The following CDH8 variants were observed in gnomAD, a reference collection of about 807,000 sequenced individuals.
CDH8 encodes the protein cadherin-8.
CDH8 carries 17 observed loss-of-function variants against 68.1 expected under a neutral mutation model. The ratio of observed to expected loss-of-function variants is 0.25; its 90% CI spans 0.17 to 0.37. The LOEUF is 0.37. Among genes scored for constraint, CDH8 ranks in the 10% least tolerant of loss-of-function variants. The probability of loss-of-function intolerance (pLI) is 1.00; values close to 1 mark genes in which losing one functional copy is unlikely to be tolerated. For synonymous variants in CDH8, 372 were observed against 365.1 expected, an observed-to-expected ratio of 1.02 and a Z score of -0.21; for missense variants, 763 against 999.3, an observed-to-expected ratio of 0.76 and a Z score of 3.19.
intron 2 of CDH8, among the ~76,000 whole-genome samples, chr16:62,017,392 A>C (rs948303657): frequency 3.9e-5 from 6 of 152,150 alleles, no homozygotes; most frequent in African/African-American, 1.4e-4. Flanking sequence ...TAAGAATATG[A>C]CTTTCAGGCC....
At chr16:61,926,955 A>G (rs1173460287) in intron 2 of CDH8, among the ~76,000 whole-genome samples, 1 of 152,194 alleles carries the variant, frequency 6.6e-6, no homozygotes, top group African/African-American at 2.4e-5. Context: ...AAAACAACAG[A>G]CACATTAGAA....
Position 61,817,655 on chromosome 16 carries a change from A to G in CDH8, c.1101T>C (p.Ser367=), listed in dbSNP as rs1962111656. Residue 367 remains serine (S), a synonymous_variant, in exon 7 of 12, where the codon AGT becomes AGC. Coordinates refer to ENST00000577390, the MANE Select transcript of CDH8 (RefSeq NM_001796.5). ...CCGTGTCTTTAAAGGGCCCCCTGCC[A>G]CTGAAGCGTGGGTCAATATGGACAT... ...AANVHIDPRF[S]GRGPFKDTAT... is the part of the protein sequence containing the mutation. 1 of 1,613,588 alleles carries G rather than the reference A, an allele frequency of 6.2e-7. No individual in the cohort carries two copies. The highest frequency in any genetic ancestry group is 8.5e-7 in the Non-Finnish European group (1 of 1,179,832).
intron 2 of CDH8, among the ~76,000 whole-genome samples, chr16:61,986,359 C>T (rs1001880992): frequency 6.6e-6 from 1 of 152,176 alleles, no homozygotes; most frequent in Non-Finnish European, 1.5e-5. Context: ...GCAATTCCTT[C>T]ACTCCTTTTT....
At chr16:61,920,054 A>G (rs1009416049) in intron 2 of CDH8, among the ~76,000 whole-genome samples, 4 of 150,400 alleles carry the variant, frequency 2.7e-5, no homozygotes, top group African/African-American at 9.8e-5. Context: ...AGCCATATGT[A>G]GAAAGCTGAA....
intron 2 of CDH8, among the ~76,000 whole-genome samples, chr16:61,951,251 C>T (rs1964892558): frequency 6.6e-6 from 1 of 152,000 alleles, no homozygotes; most frequent in Non-Finnish European, 1.5e-5. Context: ...GTGGCTCATG[C>T]CTGTAATCCC....
intron 3 of CDH8, among the ~76,000 whole-genome samples, chr16:61,879,029 T>C (rs1963516749): frequency 6.6e-6 from 1 of 152,170 alleles, no homozygotes; most frequent in Non-Finnish European, 1.5e-5. Flanking sequence ...TTTGCCCCCA[T>C]GTCCTGCCTA....
chr16:61,730,050 A>T (rs1327314019), intron 8 of CDH8, among the ~76,000 whole-genome samples: 1 of 150,934 alleles, frequency 6.6e-6, no homozygotes, highest in Non-Finnish European at 1.5e-5. Context: ...GCATATACAC[A>T]TTTTCTTCCC....
intron 3 of CDH8, among the ~76,000 whole-genome samples, chr16:61,896,556 T>G (rs1014634779): frequency 6.6e-6 from 1 of 152,004 alleles, no homozygotes; most frequent in African/African-American, 2.4e-5. Flanking sequence ...AGAACAGTGG[T>G]AAGAGGAAGA....
intron 2 of CDH8, among the ~76,000 whole-genome samples, chr16:61,962,512 C>T (rs74857442): frequency 0.03 from 4,596 of 152,222 alleles, 81 homozygotes; most frequent in South Asian, 0.049. Flanking sequence ...ACCTGCCCTT[C>T]GAAGAGAGTT....
At chr16:61,724,078 T>C (rs1435933358) in intron 9 of CDH8, among the ~76,000 whole-genome samples, 1 of 150,764 alleles carries the variant, frequency 6.6e-6, no homozygotes, top group Admixed American at 6.6e-5. Flanking sequence ...TAATCAAATG[T>C]GATTCAGGTT....
At chr16:61,960,849 T>C (rs1965141998) in intron 2 of CDH8, among the ~76,000 whole-genome samples, 1 of 152,196 alleles carries the variant, frequency 6.6e-6, no homozygotes, top group Non-Finnish European at 1.5e-5. Flanking sequence ...TCAAGATTGT[T>C]CACCTCATGT....
intron 2 of CDH8, among the ~76,000 whole-genome samples, chr16:61,935,173 C>CA (rs1964609797): frequency 6.6e-6 from 1 of 152,118 alleles, no homozygotes; most frequent in Non-Finnish European, 1.5e-5. Context: ...AAAAGTAGAA[C>CA]AGTTACAGTC....
At chr16:61,669,628 A>G (rs905055742) in intron 10 of CDH8, among the ~76,000 whole-genome samples, 6 of 152,084 alleles carry the variant, frequency 3.9e-5, no homozygotes, top group Non-Finnish European at 7.4e-5. Context: ...AATATCAGTC[A>G]GTTGATGGTT....
At chr16:61,910,658 C>A (rs938412692) in intron 2 of CDH8, among the ~76,000 whole-genome samples, 1 of 152,014 alleles carries the variant, frequency 6.6e-6, no homozygotes, top group South Asian at 2.1e-4. Flanking sequence ...ATAGATAATG[C>A]TGTTAAAGGC....
At chr16:61,951,796 G>C (rs1164218308) in intron 2 of CDH8, among the ~76,000 whole-genome samples, 1 of 152,000 alleles carries the variant, frequency 6.6e-6, no homozygotes, top group Non-Finnish European at 1.5e-5. Context: ...CTTATTGAAA[G>C]GGTTATGATT....
intron 2 of CDH8, among the ~76,000 whole-genome samples, chr16:62,011,061 C>G (rs1273032711): frequency 6.6e-6 from 1 of 151,912 alleles, no homozygotes; most frequent in Non-Finnish European, 1.5e-5. Context: ...TGTATGCAAC[C>G]CAGCTGGGTT....
chr16:61,968,105 C>CT (rs1965283870), intron 2 of CDH8, among the ~76,000 whole-genome samples: 1 of 152,138 alleles, frequency 6.6e-6, no homozygotes, highest in Admixed American at 6.5e-5. Context: ...CGGGCTGGGC[C>CT]TAGAGATCAT....
intron 3 of CDH8, among the ~76,000 whole-genome samples, chr16:61,858,068 AAC>A (rs371499529): frequency 1.1e-3 from 169 of 148,654 alleles, no homozygotes; most frequent in Non-Finnish European, 1.3e-3. Flanking sequence ...TAAATAATCA[AAC>A]ACACACACAC....
In CDH8 at chr16:61,681,185, A is replaced by G. The variant is rs867389031; in HGVS notation, c.1655-25464T>C. Among the ~76,000 whole-genome samples, 10 of 151,910 alleles carry G rather than the reference A, an allele frequency of 6.6e-5. 1 individual carries two copies. The highest frequency in any genetic ancestry group is 2.4e-4 in the African/African-American group (10 of 41,416). On this transcript the variant is annotated intron_variant, in intron 10 of 11. Coordinates refer to ENST00000577390, the MANE Select transcript of CDH8 (RefSeq NM_001796.5). ...CATTTCACTCTGAGCTATCTATGCA[A>G]GATAAATGAAAATATGTCCACATAA... is the stretch of plus-strand genomic sequence containing the variant.
Sources: allele counts gnomAD v4.1 joint callset (sites outside exome capture counted in the v4.1 genomes callset), GRCh38; gene constraint gnomAD v4.1.1; transcripts MANE v1.5; gene names NCBI Gene and HGNC (gene_info 2026-07-23, HGNC 2026-07-21).